DMXL2: variants seen among roughly 807,000 people sequenced by gnomAD.
The protein encoded by DMXL2 is dmX-like protein 2.
A neutral mutation model predicts 331.1 loss-of-function variants in DMXL2; 103 were observed. The observed-to-expected ratio is 0.31, with a 90% CI of 0.27 to 0.37. The LOEUF (loss-of-function observed/expected upper bound fraction) is 0.37, where lower values mean the gene tolerates loss of function less well. Ranked by LOEUF, DMXL2 falls within the 10% of genes least tolerant of loss-of-function variation. The pLI is 1.00. For missense variants in DMXL2, 3,171 were observed against 3,642.9 expected, an observed-to-expected ratio of 0.87 and a Z score of 3.33; for synonymous variants, 1,281 against 1,252.1, an observed-to-expected ratio of 1.02 and a Z score of -0.49.
chr15:51,568,054 G>A (rs2050407333), intron 3 of DMXL2: 2 of 156,868 alleles, frequency 1.3e-5, no homozygotes. Flanking sequence ...TCCAGCCCAG[G>A]GGATACAGTG....
intron 1 of DMXL2, among the ~76,000 whole-genome samples, chr15:51,611,496 G>A (rs2053966614): frequency 6.6e-6 from 1 of 152,066 alleles, no homozygotes; most frequent in African/African-American, 2.4e-5. Flanking sequence ...TGTTAAGTGG[G>A]GTTATCTCTG....
chr15:51,526,847 A>G (rs2047703538), intron 13 of DMXL2, among the ~76,000 whole-genome samples: 1 of 152,190 alleles, frequency 6.6e-6, no homozygotes, highest in Non-Finnish European at 1.5e-5. Flanking sequence ...AGAGGAGACA[A>G]AAGAAAAATG....
intron 33 of DMXL2, chr15:51,460,015 G>GC (rs2039979182): frequency 1.0e-6 from 1 of 983,164 alleles, no homozygotes; most frequent in African/African-American, 1.7e-5. Context: ...ATAAATTCCT[G>GC]CCCTATAGGG....
intron 2 of DMXL2, 130 bp downstream of exon 2, chr15:51,575,926 A>G: frequency 1.1e-6 from 1 of 916,890 alleles, no homozygotes; most frequent in Admixed American, 2.6e-5. Context: ...TCACTTTGCA[A>G]CTTCTGCTAA....
chr15:51,495,954 G>A (rs759804300), intron 18 of DMXL2, among the ~76,000 whole-genome samples: 23 of 151,808 alleles, frequency 1.5e-4, no homozygotes, highest in African/African-American at 4.8e-5. Context: ...ATAGCTATTA[G>A]GTTGGTGCAA....
intron 31 of DMXL2, among the ~76,000 whole-genome samples, chr15:51,465,157 A>C (rs2040459967): frequency 6.6e-6 from 1 of 152,170 alleles, no homozygotes; most frequent in South Asian, 2.1e-4. Context: ...GCACTTTAGG[A>C]GGCCAAGGCA....
In DMXL2 at chr15:51,500,222, C is replaced by T. The variant is rs2043486121; in HGVS notation, c.3002G>A (p.Ser1001Asn). The part of the protein sequence containing the change: ...IRATPSAGHL[S>N]SSSIYPVCLA... ...GCACACTGGATAAATTGAAGAAGAACTCAGATGGCCTTAAAAAAGAAAAAG... is the reference window on the plus strand; with the variant it reads ...GCACACTGGATAAATTGAAGAAGAATTCAGATGGCCTTAAAAAAGAAAAAG... Residue 1001 changes from serine (S) to asparagine (N), a missense_variant, in exon 18 of 44, where the codon AGT (serine) becomes AAT (asparagine). Physicochemically the swap from Ser to Asn is conservative, Grantham distance 46. Transcript: ENST00000560891. The T allele has an allele frequency of 6.3e-7, 1 of 1,586,006 alleles. No individual in the cohort carries two copies. The highest frequency in any genetic ancestry group is 1.9e-5 in the Admixed American group (1 of 52,738).
intron 17 of DMXL2, among the ~76,000 whole-genome samples, chr15:51,501,725 C>T (rs1224284409): frequency 5.3e-5 from 8 of 151,034 alleles, no homozygotes; most frequent in Non-Finnish European, 1.0e-4. Context: ...TCGAGACCAT[C>T]CTGACTAACA....
intron 13 of DMXL2, among the ~76,000 whole-genome samples, chr15:51,519,433 C>A (rs1051114799): frequency 6.6e-6 from 1 of 151,358 alleles, no homozygotes; most frequent in Non-Finnish European, 1.5e-5. Context: ...TAACATTTTT[C>A]CAGAACATCA....
intron 1 of DMXL2, among the ~76,000 whole-genome samples, chr15:51,612,189 C>T (rs1301977136): frequency 2.6e-5 from 4 of 152,160 alleles, no homozygotes; most frequent in East Asian, 1.9e-4. Context: ...CTTAATTTCA[C>T]GTACCAATTT....
At chr15:51,521,414 CTAG>C (rs10667947) in intron 13 of DMXL2, among the ~76,000 whole-genome samples, 9,676 of 141,910 alleles carry the variant, frequency 0.068, 417 homozygotes, top group East Asian at 0.12. Flanking sequence ...TAAAAGTTTG[CTAG>C]TAGTAGTAGT....
chr15:51,537,389 A>G, intron 11 of DMXL2, 99 bp downstream of exon 11: 1 of 1,345,372 alleles, frequency 7.4e-7, no homozygotes, highest in Non-Finnish European at 9.9e-7. Flanking sequence ...ATCAAAACCA[A>G]AATTTTCAGT....
intron 6 of DMXL2, among the ~76,000 whole-genome samples, chr15:51,560,470 C>G (rs1338848140): frequency 1.5e-5 from 2 of 135,994 alleles, no homozygotes; most frequent in Non-Finnish European, 3.1e-5. Context: ...GAAAAGAGAC[C>G]AGCCTGGGCA....
chr15:51,598,698 G>A (rs1196561240), intron 1 of DMXL2, among the ~76,000 whole-genome samples: 1 of 152,086 alleles, frequency 6.6e-6, no homozygotes, highest in African/African-American at 2.4e-5. Flanking sequence ...TTATGGGTTT[G>A]GGGCAGGAAT....
At chr15:51,566,286 C>A (rs2050285617) in intron 3 of DMXL2, among the ~76,000 whole-genome samples, 1 of 149,098 alleles carries the variant, frequency 6.7e-6, no homozygotes, top group African/African-American at 2.5e-5. Context: ...TGTGCATCTG[C>A]AAACCCTGCA....
intron 6 of DMXL2, among the ~76,000 whole-genome samples, chr15:51,560,991 T>A (rs1052899369): frequency 8.8e-6 from 1 of 113,436 alleles, no homozygotes; most frequent in Non-Finnish European, 2.0e-5. Context: ...TATTTTGTAA[T>A]TTAAAAAAAA....
At chr15:51,462,008 G>T (rs182997462) in intron 33 of DMXL2, among the ~76,000 whole-genome samples, 1 of 152,262 alleles carries the variant, frequency 6.6e-6, no homozygotes, top group East Asian at 1.9e-4. Flanking sequence ...AATGCCATAA[G>T]GGTCTTTTGT....
In DMXL2 at chr15:51,553,237, C is replaced by T. The variant is rs553594173; in HGVS notation, c.568-5829G>A. The stretch of plus-strand genomic sequence containing the variant: ...TCTATCATCTTCATCATAAGACTGC[C>T]AGCACACACAACAGTTCAGGGTATA... On this transcript the variant is annotated intron_variant, in intron 6 of 43. Transcript: ENST00000560891. Among the ~76,000 whole-genome samples the T allele has an allele frequency of 2.6e-5, 4 of 152,260 alleles. No homozygotes were observed. In the South Asian group the frequency reaches 8.3e-4, roughly 32 times the overall value.
intron 41 of DMXL2, 130 bp downstream of exon 41, chr15:51,453,420 G>A (rs962869646): frequency 4.5e-5 from 27 of 598,854 alleles, no homozygotes; most frequent in Middle Eastern, 4.1e-4. Flanking sequence ...TCTGAAATAA[G>A]AATTATGTAA....
Sources: gnomAD v4.1 joint callset for allele counts (sites outside exome capture counted in the v4.1 genomes callset) on GRCh38, gnomAD v4.1.1 for gene constraint, MANE v1.5 for transcripts, NCBI Gene and HGNC (gene_info 2026-07-23, HGNC 2026-07-21) for gene names.